Variants in NR2F1-AS1 observed in about 807,000 individuals in gnomAD.
The protein encoded by NR2F1-AS1 is NR2F1 regulatory antisense RNA 1, also known as NR2F1 antisense RNA 1.
intron 4 of NR2F1-AS1, among the ~76,000 whole-genome samples, chr5:93,481,604 G>C (rs1750601492): frequency 6.6e-6 from 1 of 152,018 alleles, no homozygotes. Context: ...GGAAGAATAT[G>C]TATTCTTCTC....
At chr5:93,585,048 C>T, upstream of NR2F1-AS1, 1 of 1,035,096 alleles carries the variant, frequency 9.7e-7, no homozygotes, top group East Asian at 8.8e-5. Context: ...TAGCAGCTGG[C>T]GAGATCCGCA....
intron 4 of NR2F1-AS1, among the ~76,000 whole-genome samples, chr5:93,548,906 A>G (rs1752157885): frequency 6.6e-6 from 1 of 152,124 alleles, no homozygotes; most frequent in Non-Finnish European, 1.5e-5. Context: ...AAACAAGTAA[A>G]TTGATGCTTT....
Position 93,472,874 on chromosome 5 carries a change from T to C in NR2F1-AS1, n.639-77332A>G, listed in dbSNP as rs189493072. On this transcript the variant is annotated intron_variant and non_coding_transcript_variant, in intron 4 of 5. Coordinates refer to ENST00000660523, the Ensembl canonical transcript of NR2F1-AS1. ...CTAAAAATTTCCTATTTTGGATATT[T>C]GAAATAATAGCTCCTAATCATTTAA... Among the ~76,000 whole-genome samples the C allele has an allele frequency of 1.1e-3, 172 of 152,096 alleles. 1 individual carries two copies. The highest frequency in any genetic ancestry group is 1.1e-3 in the Non-Finnish European group (75 of 67,816).
intron 4 of NR2F1-AS1, among the ~76,000 whole-genome samples, chr5:93,514,552 G>A (rs115225341): frequency 0.015 from 2,221 of 152,102 alleles, 62 homozygotes; most frequent in African/African-American, 0.05. Flanking sequence ...GTATGTAAGC[G>A]CTGACATTAT....
At chr5:93,539,736 TACAA>T (rs1751911929) in intron 4 of NR2F1-AS1, among the ~76,000 whole-genome samples, 1 of 152,122 alleles carries the variant, frequency 6.6e-6, no homozygotes, top group Non-Finnish European at 1.5e-5. Context: ...TATTCTCTAT[TACAA>T]ACAGCAAGAA....
chr5:93,566,936 G>T (rs945712457), intron 1 of NR2F1-AS1, among the ~76,000 whole-genome samples: 1 of 151,940 alleles, frequency 6.6e-6, no homozygotes, highest in Non-Finnish European at 1.5e-5. Context: ...TACATTAAAT[G>T]CTTAGAAGAA....
intron 1 of NR2F1-AS1, among the ~76,000 whole-genome samples, chr5:93,565,019 C>T (rs553426334): frequency 3.9e-4 from 60 of 152,198 alleles, no homozygotes; most frequent in Non-Finnish European, 7.4e-4. Context: ...AGAAAAAAAT[C>T]TGTTTCTCTA....
chr5:93,554,685 A>G (rs991443681), intron 3 of NR2F1-AS1, among the ~76,000 whole-genome samples: 2 of 152,256 alleles, frequency 1.3e-5, no homozygotes, highest in Non-Finnish European at 2.9e-5. Context: ...CACTATTTAG[A>G]GGTTCTGTGA....
At chr5:93,502,473 T>C (rs1482098679) in intron 4 of NR2F1-AS1, among the ~76,000 whole-genome samples, 2 of 152,130 alleles carry the variant, frequency 1.3e-5, no homozygotes. Flanking sequence ...ACGTAGAAAC[T>C]GAACCTAGGG....
chr5:93,505,469 C>G (rs1319048267), intron 4 of NR2F1-AS1, among the ~76,000 whole-genome samples: 3 of 152,232 alleles, frequency 2.0e-5, no homozygotes, highest in African/African-American at 7.2e-5. Context: ...CATTTCCCTT[C>G]TGCACTGCCC....
intron 4 of NR2F1-AS1, among the ~76,000 whole-genome samples, chr5:93,457,084 GAC>G (rs1343481296): frequency 6.6e-6 from 1 of 152,180 alleles, no homozygotes; most frequent in Non-Finnish European, 1.5e-5. Context: ...ACGAGCAGGA[GAC>G]AGATGCCTTC....
At chr5:93,427,789 C>T (rs1749225828) in intron 4 of NR2F1-AS1, among the ~76,000 whole-genome samples, 1 of 152,136 alleles carries the variant, frequency 6.6e-6, no homozygotes, top group South Asian at 2.1e-4. Flanking sequence ...ACAAAATGTA[C>T]ACGTATGTTT....
intron 4 of NR2F1-AS1, among the ~76,000 whole-genome samples, chr5:93,420,071 C>A (rs1749056409): frequency 6.6e-6 from 1 of 152,082 alleles, no homozygotes; most frequent in African/African-American, 2.4e-5. Context: ...TGGTGCACAC[C>A]CATAATCCCT....
intron 4 of NR2F1-AS1, among the ~76,000 whole-genome samples, chr5:93,545,438 T>C (rs1321518215): frequency 1.3e-5 from 2 of 152,218 alleles, no homozygotes; most frequent in Non-Finnish European, 2.9e-5. Context: ...TCTGTAACTA[T>C]TCCCAGCTAT....
intron 4 of NR2F1-AS1, among the ~76,000 whole-genome samples, chr5:93,467,511 G>A (rs182558408): frequency 1.6e-4 from 25 of 152,204 alleles, no homozygotes; most frequent in East Asian, 7.7e-4. Flanking sequence ...CCAGTGCTCC[G>A]TTCAGTTGAT....
intron 1 of NR2F1-AS1, among the ~76,000 whole-genome samples, chr5:93,577,579 A>G (rs565122783): frequency 6.6e-6 from 1 of 152,304 alleles, no homozygotes; most frequent in East Asian, 1.9e-4. Context: ...GTGTTTTAGT[A>G]ATCACAAAAC....
chr5:93,419,652 G>A (rs944524583), intron 4 of NR2F1-AS1, among the ~76,000 whole-genome samples: 2 of 152,082 alleles, frequency 1.3e-5, no homozygotes, highest in Non-Finnish European at 2.9e-5. Context: ...CATTAATAGT[G>A]GTCACTTCTG....
intron 4 of NR2F1-AS1, chr5:93,423,199 A>T (rs1749124381): frequency 6.6e-6 from 1 of 152,220 alleles, no homozygotes; most frequent in Non-Finnish European, 1.5e-5. Flanking sequence ...GGGGCACCAC[A>T]TCACGTCTGA....
chr5:93,480,341 G>A (rs560289815), intron 4 of NR2F1-AS1, among the ~76,000 whole-genome samples: 1 of 152,178 alleles, frequency 6.6e-6, no homozygotes, highest in Non-Finnish European at 1.5e-5. Flanking sequence ...AAACTATGGA[G>A]GTCAAAAGGG....
Sources: allele counts gnomAD v4.1 joint callset (sites outside exome capture counted in the v4.1 genomes callset), GRCh38; gene constraint gnomAD v4.1.1; transcripts MANE v1.5; gene names NCBI Gene and HGNC (gene_info 2026-07-23, HGNC 2026-07-21).